The following CDH18 variants were observed in gnomAD, a reference collection of about 807,000 sequenced individuals.
The protein encoded by CDH18 is cadherin-18.
Under a neutral mutation model 67.9 loss-of-function variants are expected in CDH18, and 31 were observed. The ratio of observed to expected loss-of-function variants is 0.46; its 90% CI spans 0.34 to 0.62. CDH18 has a LOEUF of 0.62. Among genes scored for constraint, CDH18 ranks in the 20% least tolerant of loss-of-function variants. The pLI, the probability that CDH18 is intolerant of heterozygous loss-of-function variation, is 0.01. For missense variants in CDH18, 890 were observed against 975.5 expected, an observed-to-expected ratio of 0.91 and a Z score of 1.17; for synonymous variants, 362 against 347.2, an observed-to-expected ratio of 1.04 and a Z score of -0.48.
In CDH18 at chr5:19,715,415, C is replaced by T. The variant is rs979638226; in HGVS notation, c.643+5932G>A. Among the ~76,000 whole-genome samples the T allele has an allele frequency of 3.9e-5, 6 of 152,044 alleles. No individual in the cohort carries two copies. In the South Asian group the frequency reaches 6.2e-4, roughly 16 times the overall value. On this transcript the variant is annotated intron_variant, in intron 5 of 12. Transcript: ENST00000382275. ...ATCTTGAAGAATCACAGTTATTGTC[C>T]GTCAAGAGCTCTGCATTAGTGGCTG...
chr5:19,592,107 A>G (rs1235512094), intron 6 of CDH18, among the ~76,000 whole-genome samples: 1 of 152,032 alleles, frequency 6.6e-6, no homozygotes, highest in African/African-American at 2.4e-5. Flanking sequence ...ATACAATTGT[A>G]ATTACTAGAA....
intron 1 of CDH18, among the ~76,000 whole-genome samples, chr5:20,352,771 C>T (rs902078463): frequency 4.0e-5 from 6 of 151,480 alleles, no homozygotes; most frequent in African/African-American, 9.7e-5. Context: ...GTAGCCTGGG[C>T]GATAGAGAGA....
chr5:19,946,951 T>C (rs896260326), intron 2 of CDH18, among the ~76,000 whole-genome samples: 1 of 152,020 alleles, frequency 6.6e-6, no homozygotes. Flanking sequence ...AACCATGTAA[T>C]CCACCATATC....
intron 3 of CDH18, among the ~76,000 whole-genome samples, chr5:19,757,922 G>A (rs1771821092): frequency 1.3e-5 from 2 of 152,162 alleles, no homozygotes; most frequent in African/African-American, 4.8e-5. Flanking sequence ...GGGCTGTAGT[G>A]GTGCAGCTGT....
intron 2 of CDH18, among the ~76,000 whole-genome samples, chr5:20,202,686 G>T (rs975246132): frequency 1.3e-5 from 2 of 150,362 alleles, no homozygotes; most frequent in South Asian, 4.2e-4. Context: ...TTTGCATTTT[G>T]CTAGGATCAT....
At chr5:20,333,400 G>T (rs1739367995) in intron 1 of CDH18, among the ~76,000 whole-genome samples, 1 of 151,550 alleles carries the variant, frequency 6.6e-6, no homozygotes, top group Non-Finnish European at 1.5e-5. Context: ...CCAGCTACTT[G>T]GGAGGCTGAG....
intron 1 of CDH18, among the ~76,000 whole-genome samples, chr5:20,315,482 T>A (rs746933884): frequency 9.9e-5 from 15 of 152,094 alleles, no homozygotes; most frequent in Non-Finnish European, 1.5e-4. Flanking sequence ...GTCCTGAAAC[T>A]CTATGCTAAA....
chr5:19,699,266 A>C (rs78379711), intron 5 of CDH18, among the ~76,000 whole-genome samples: 1,895 of 152,254 alleles, frequency 0.012, 38 homozygotes, highest in African/African-American at 0.043. Context: ...GTCTTATTCA[A>C]TGTTCCCAAA....
At chr5:19,659,639 G>C (rs2150307039) in intron 5 of CDH18, among the ~76,000 whole-genome samples, 1 of 152,198 alleles carries the variant, frequency 6.6e-6, no homozygotes, top group East Asian at 1.9e-4. Flanking sequence ...TAGATGATGA[G>C]TGCTGCACCC....
rs543936112 is a variant in CDH18 at position 20,200,121 on chromosome 5, C to T, written c.-518+55323G>A. Among the ~76,000 whole-genome samples, 18 of 152,172 alleles carry T rather than the reference C, an allele frequency of 1.2e-4. No homozygotes were observed. In the South Asian group the frequency reaches 3.3e-3, roughly 28 times the overall value. On this transcript the variant is annotated intron_variant, in intron 2 of 14. Coordinates refer to the CDH18 transcript ENST00000507958. The stretch of plus-strand genomic sequence containing the variant: ...ATGATGTCAAATATTTCATTAAATC[C>T]GATAATTATTTCAGACATACAGACT...
chr5:19,811,830 A>C (rs1282074769), intron 3 of CDH18, among the ~76,000 whole-genome samples: 1 of 152,206 alleles, frequency 6.6e-6, no homozygotes, highest in African/African-American at 2.4e-5. Context: ...TCACACACAC[A>C]GAAAAAAATG....
At chr5:20,543,051 G>A (rs1040394019) in intron 1 of CDH18, among the ~76,000 whole-genome samples, 2 of 151,692 alleles carry the variant, frequency 1.3e-5, no homozygotes, top group African/African-American at 2.4e-5. Flanking sequence ...TTGTTTTGCT[G>A]GCAAACTTTT....
chr5:20,125,096 G>C (rs536903200), intron 2 of CDH18, among the ~76,000 whole-genome samples: 3 of 152,176 alleles, frequency 2.0e-5, no homozygotes, highest in Non-Finnish European at 4.4e-5. Context: ...GTGTGACCAA[G>C]TATGGAAATA....
intron 8 of CDH18, among the ~76,000 whole-genome samples, chr5:19,566,540 A>C (rs934995697): frequency 2.0e-5 from 3 of 152,336 alleles, no homozygotes; most frequent in Middle Eastern, 3.4e-3. Flanking sequence ...GGGGGCAGAC[A>C]AGAAAGAATG....
At chr5:19,698,257 T>C (rs1288865128) in intron 5 of CDH18, among the ~76,000 whole-genome samples, 1 of 152,166 alleles carries the variant, frequency 6.6e-6, no homozygotes, top group South Asian at 2.1e-4. Context: ...AAATAAATGA[T>C]TTCTTTCATC....
chr5:19,484,615 C>G (rs765651420), intron 11 of CDH18, among the ~76,000 whole-genome samples: 3 of 152,226 alleles, frequency 2.0e-5, no homozygotes, highest in Non-Finnish European at 4.4e-5. Context: ...TAGCATATAA[C>G]TAACGACTCA....
intron 2 of CDH18, among the ~76,000 whole-genome samples, chr5:20,089,342 T>C (rs1745235553): frequency 6.6e-6 from 1 of 152,170 alleles, no homozygotes; most frequent in South Asian, 2.1e-4. Context: ...TCTTGTTTGT[T>C]AAACTATGTG....
intron 8 of CDH18, among the ~76,000 whole-genome samples, chr5:19,546,232 C>T (rs1487824249): frequency 1.3e-5 from 2 of 152,094 alleles, no homozygotes; most frequent in African/African-American, 2.4e-5. Flanking sequence ...GTGGCTTCAA[C>T]AGTATATTGA....
chr5:19,759,543 G>A (rs952798904), intron 3 of CDH18, among the ~76,000 whole-genome samples: 1 of 152,062 alleles, frequency 6.6e-6, no homozygotes, highest in Non-Finnish European at 1.5e-5. Flanking sequence ...GGACCCACTG[G>A]GCCCACTGTA....
Sources: allele counts gnomAD v4.1 joint callset (sites outside exome capture counted in the v4.1 genomes callset), GRCh38; gene constraint gnomAD v4.1.1; transcripts MANE v1.5; gene names NCBI Gene and HGNC (gene_info 2026-07-23, HGNC 2026-07-21).